NKAIN3: variants seen among roughly 807,000 people sequenced by gnomAD.
NKAIN3 encodes sodium/potassium transporting ATPase interacting 3.
Under a neutral mutation model 30.2 loss-of-function variants are expected in NKAIN3, and 25 were observed. That is an observed-to-expected ratio of 0.83 (90% CI 0.60 to 1.16). NKAIN3 has a LOEUF of 1.16. NKAIN3 is among the 50% of genes most tolerant of loss of function. The pLI is 0.00. For synonymous variants in NKAIN3, 91 were observed against 89.6 expected, an observed-to-expected ratio of 1.02 and a Z score of -0.09; for missense variants, 225 against 254.1, an observed-to-expected ratio of 0.89 and a Z score of 0.78.
At chr8:62,265,683 A>C (rs1812579570) in intron 1 of NKAIN3, among the ~76,000 whole-genome samples, 1 of 152,204 alleles carries the variant, frequency 6.6e-6, no homozygotes, top group Non-Finnish European at 1.5e-5. Context: ...GAATCGCTGG[A>C]AAGCTCTGCA....
chr8:62,607,858 A>C (rs1461218591), intron 3 of NKAIN3, among the ~76,000 whole-genome samples: 1 of 152,112 alleles, frequency 6.6e-6, no homozygotes, highest in Non-Finnish European at 1.5e-5. Context: ...TCATTTTCTG[A>C]ATGTTACCAA....
At chr8:62,496,752 C>T (rs574766889) in intron 1 of NKAIN3, among the ~76,000 whole-genome samples, 20 of 152,098 alleles carry the variant, frequency 1.3e-4, no homozygotes, top group Non-Finnish European at 2.6e-4. Context: ...GGAGCTAAAA[C>T]GTGTTGTATA....
chr8:62,266,580 C>T (rs1363918733), intron 1 of NKAIN3, among the ~76,000 whole-genome samples: 1 of 152,132 alleles, frequency 6.6e-6, no homozygotes, highest in Admixed American at 6.6e-5. Flanking sequence ...ACATATGTCT[C>T]ATGTAATAGT....
intron 4 of NKAIN3, among the ~76,000 whole-genome samples, chr8:62,851,536 G>C (rs1303746459): frequency 1.3e-5 from 2 of 152,064 alleles, no homozygotes; most frequent in African/African-American, 4.8e-5. Context: ...TCTTGTGCCG[G>C]TTTTCAAAGG....
At chr8:62,594,275 A>T (rs988588321) in intron 3 of NKAIN3, among the ~76,000 whole-genome samples, 21 of 152,022 alleles carry the variant, frequency 1.4e-4, no homozygotes, top group African/African-American at 4.8e-4. Context: ...GAGCTAACAT[A>T]ATCCTGATAC....
intron 3 of NKAIN3, 100 bp downstream of exon 3, chr8:62,589,894 TGTGTGTGTGTGTG>T: frequency 2.0e-6 from 1 of 498,962 alleles, no homozygotes; most frequent in South Asian, 3.5e-5. Context: ...TGTGTGTGTG[TGTGTGTGTGTGTG>T]TGTGTGTGTA....
intron 4 of NKAIN3, among the ~76,000 whole-genome samples, chr8:62,805,504 T>C (rs972826488): frequency 5.2e-4 from 79 of 152,156 alleles, no homozygotes; most frequent in Non-Finnish European, 9.4e-4. Flanking sequence ...GCCACATATC[T>C]ACAACTATCT....
chr8:62,343,418 C>T (rs1425073034), intron 1 of NKAIN3, among the ~76,000 whole-genome samples: 1 of 152,040 alleles, frequency 6.6e-6, no homozygotes, highest in African/African-American at 2.4e-5. Flanking sequence ...TTTATTTCAA[C>T]ATTATTCTCT....
intron 4 of NKAIN3, among the ~76,000 whole-genome samples, chr8:62,757,564 G>T (rs1816496018): frequency 6.6e-6 from 1 of 152,124 alleles, no homozygotes; most frequent in Non-Finnish European, 1.5e-5. Context: ...GACAGAAAAT[G>T]AGAGTTCTAA....
chr8:62,947,844 A>G (rs545201825), intron 5 of NKAIN3, among the ~76,000 whole-genome samples: 9 of 152,308 alleles, frequency 5.9e-5, no homozygotes, highest in East Asian at 5.8e-4. Flanking sequence ...ATGTGAATGC[A>G]CCACCTCAGA....
At chr8:62,441,218 A>G (rs1370161420) in intron 1 of NKAIN3, among the ~76,000 whole-genome samples, 2 of 152,136 alleles carry the variant, frequency 1.3e-5, no homozygotes, top group Admixed American at 6.6e-5. Flanking sequence ...TTAAGAGATA[A>G]TATGCTATTT....
intron 1 of NKAIN3, among the ~76,000 whole-genome samples, chr8:62,552,798 T>G (rs1462178753): frequency 6.6e-6 from 1 of 152,184 alleles, no homozygotes; most frequent in African/African-American, 2.4e-5. Context: ...TGTGCCCTAA[T>G]GTGCAACAAC....
At chr8:62,321,747 G>A (rs931427094) in intron 1 of NKAIN3, among the ~76,000 whole-genome samples, 1 of 152,176 alleles carries the variant, frequency 6.6e-6, no homozygotes, top group Non-Finnish European at 1.5e-5. Flanking sequence ...CTACTGGGGG[G>A]TGCCTCCCAG....
intron 4 of NKAIN3, among the ~76,000 whole-genome samples, chr8:62,882,928 T>TA (rs1326115595): frequency 6.6e-6 from 1 of 152,180 alleles, no homozygotes; most frequent in African/African-American, 2.4e-5. Flanking sequence ...TCTGTGCCAA[T>TA]ACCACTCTCT....
intron 1 of NKAIN3, among the ~76,000 whole-genome samples, chr8:62,497,324 A>G (rs1807273456): frequency 6.6e-6 from 1 of 152,138 alleles, no homozygotes; most frequent in Non-Finnish European, 1.5e-5. Flanking sequence ...ACTTGAAAAT[A>G]GTAGTAGAAG....
chr8:62,287,621 C>T (rs925671040), intron 1 of NKAIN3, among the ~76,000 whole-genome samples: 1 of 151,986 alleles, frequency 6.6e-6, no homozygotes, highest in African/African-American at 2.4e-5. Context: ...CTATTAGCAC[C>T]TCTGTTCGGT....
At chr8:62,834,972 A>T (rs1819314304) in intron 4 of NKAIN3, among the ~76,000 whole-genome samples, 2 of 152,108 alleles carry the variant, frequency 1.3e-5, no homozygotes, top group Admixed American at 1.3e-4. Context: ...GTACTGGTAC[A>T]AAAACAGACA....
Position 62,636,760 on chromosome 8 carries a change from A to G in NKAIN3, c.273+46966A>G, listed in dbSNP as rs190573774. ...CTGATATTGTAAACAACAAAAAATC[A>G]TGTCACTGGTATACAGTTTGCTACA... On this transcript the variant is annotated intron_variant, in intron 3 of 6. Transcript: ENST00000623646. 2.5e-3 allele frequency among the ~76,000 whole-genome samples: 383 copies of G among 152,324 alleles called. 3 individuals are homozygous for G. The highest frequency in any genetic ancestry group is 8.9e-3 in the African/African-American group (369 of 41,574).
At chr8:62,292,779 C>T (rs1813692890) in intron 1 of NKAIN3, among the ~76,000 whole-genome samples, 2 of 152,182 alleles carry the variant, frequency 1.3e-5, no homozygotes, top group Admixed American at 6.5e-5. Context: ...GAATGTTGGC[C>T]TGCCTCACTA....
Sources: allele counts gnomAD v4.1 joint callset (sites outside exome capture counted in the v4.1 genomes callset), GRCh38; gene constraint gnomAD v4.1.1; transcripts MANE v1.5; gene names NCBI Gene and HGNC (gene_info 2026-07-23, HGNC 2026-07-21).